PRRX1: variants seen among roughly 807,000 people sequenced by gnomAD.
PRRX1 encodes the protein paired related homeobox 1, also known as paired mesoderm homeobox protein 1.
Under a neutral mutation model 24.0 loss-of-function variants are expected in PRRX1, and 8 were observed. The ratio of observed to expected loss-of-function variants is 0.33; its 90% CI spans 0.20 to 0.60. The LOEUF is 0.60. Ranked by LOEUF, PRRX1 falls within the 20% of genes least tolerant of loss-of-function variation. The pLI, the probability that PRRX1 is intolerant of heterozygous loss-of-function variation, is 0.82. For missense variants in PRRX1, 281 were observed against 322.4 expected (o/e 0.87, Z 0.98); for synonymous variants, 160 against 131.7 (o/e 1.22, Z -1.47).
At chr1:170,730,973 A>C (rs1204032714) in intron 3 of PRRX1, among the ~76,000 whole-genome samples, 1 of 152,228 alleles carries the variant, frequency 6.6e-6, no homozygotes, top group African/African-American at 2.4e-5. Context: ...AACATAGCAG[A>C]AAGATCACTG....
At chr1:170,668,240 G>C (rs1294141048) in intron 1 of PRRX1, 1 of 152,144 alleles carries the variant, frequency 6.6e-6, no homozygotes, top group Non-Finnish European at 1.5e-5. Flanking sequence ...AGAGGAACAG[G>C]TCATAAAAAT....
In PRRX1 at chr1:170,691,272, A is replaced by C. The variant is rs145583794; in HGVS notation, c.241+26813A>C. ...GTGGATTAAAAAATGTTTATTAGCC[A>C]ACCAGAGAGTGAAATATAAAGTAAT... On this transcript the variant is annotated intron_variant, in intron 1 of 3. Coordinates refer to ENST00000239461, the MANE Select transcript of PRRX1 (RefSeq NM_022716.4). Among the ~76,000 whole-genome samples the C allele has an allele frequency of 7.0e-3, 1,063 of 152,280 alleles. 9 individuals carry two copies. The highest frequency in any genetic ancestry group is 0.012 in the Non-Finnish European group (791 of 67,994).
intron 1 of PRRX1, among the ~76,000 whole-genome samples, chr1:170,679,059 C>T (rs539134652): frequency 3.3e-5 from 5 of 152,302 alleles, no homozygotes; most frequent in African/African-American, 4.8e-5. Flanking sequence ...ATATTTTCCT[C>T]GTGACATCCA....
chr1:170,726,460 A>G, intron 3 of PRRX1, 59 bp downstream of exon 3: 2 of 1,572,716 alleles, frequency 1.3e-6, no homozygotes, highest in South Asian at 1.1e-5. Flanking sequence ...GCGGTCGGTC[A>G]TGTTTCAAGC....
At position 170,738,670 on chromosome 1, in the gene PRRX1, G is replaced by A; in HGVS notation, c.*2484G>A. 2 of 228,894 alleles carry A rather than the reference G, an allele frequency of 8.7e-6. No individual in the cohort carries two copies. The highest frequency in any genetic ancestry group is 1.7e-5 in the Non-Finnish European group (2 of 115,386). The allele number at this position is 228,894 out of a possible 1,614,324, so 14.2% of individuals were successfully genotyped here. On this transcript the variant is annotated 3_prime_UTR_variant, in exon 4 of 4. Transcript: ENST00000239461. ...AATGGCTAAGAAGATTTGAATTATA[G>A]GGAGGGAACAGAAATCATACATGAA...
intron 1 of PRRX1, among the ~76,000 whole-genome samples, chr1:170,666,196 A>T: frequency 6.6e-6 from 1 of 152,104 alleles, no homozygotes; most frequent in East Asian, 1.9e-4. Context: ...CGAGGCGGGC[A>T]GATCACGAGG....
At chr1:170,714,485 C>T (rs1231009470) in intron 1 of PRRX1, among the ~76,000 whole-genome samples, 1 of 152,176 alleles carries the variant, frequency 6.6e-6, no homozygotes. Flanking sequence ...TATCTTCTTG[C>T]ATCAGATTTT....
rs371350206 is a variant in PRRX1 at position 170,719,952 on chromosome 1, A to C, written c.417+51A>C. The C allele has an allele frequency of 6.3e-6, 10 of 1,598,058 alleles. No homozygotes were observed. In the African/African-American group the frequency reaches 1.3e-4, roughly 21 times the overall value. On this transcript the variant is annotated intron_variant, in intron 2 of 3. Transcript: ENST00000239461. ...ACCAAGTAGTACCCTCCTCAGAGGC[A>C]CATCTCTGAAAACTGTTTAAAAACA...
At chr1:170,689,856 C>T (rs1252215185) in intron 1 of PRRX1, among the ~76,000 whole-genome samples, 1 of 140,880 alleles carries the variant, frequency 7.1e-6, no homozygotes, top group Non-Finnish European at 1.5e-5. Context: ...CTCTCTCTCT[C>T]TCTCTCTCTC....
At chr1:170,672,956 A>G (rs951092014) in intron 1 of PRRX1, among the ~76,000 whole-genome samples, 10 of 152,198 alleles carry the variant, frequency 6.6e-5, no homozygotes, top group African/African-American at 2.4e-4. Flanking sequence ...GAAAATTGAC[A>G]CCTAGAGGCC....
intron 1 of PRRX1, among the ~76,000 whole-genome samples, chr1:170,672,903 ACT>A (rs1437445861): frequency 6.6e-6 from 1 of 151,836 alleles, no homozygotes; most frequent in African/African-American, 2.4e-5. Flanking sequence ...TTTCTTTGGT[ACT>A]CTCTCTGCTT....
At position 170,726,568 on chromosome 1, in the gene PRRX1, C is replaced by T. The variant is rs189092390; in HGVS notation, c.599+167C>T. The T allele has an allele frequency of 5.3e-4, 436 of 817,152 alleles. 4 individuals carry two copies. In the East Asian group the frequency reaches 0.012, roughly 22 times the overall value. 50.6% of individuals were successfully genotyped at this position (817,152 alleles called of 1,614,324 possible). The stretch of plus-strand genomic sequence containing the variant: ...CATTTTCCCAGGAGATTATAAGCTG[C>T]CCCAGCAGCAGGGTTTGGGGCAGAA... On this transcript the variant is annotated intron_variant, in intron 3 of 3. Transcript: ENST00000239461.
intron 1 of PRRX1, among the ~76,000 whole-genome samples, chr1:170,706,667 A>C (rs926162034): frequency 2.6e-5 from 4 of 152,148 alleles, no homozygotes; most frequent in Admixed American, 2.6e-4. Flanking sequence ...TAATTGTATA[A>C]ATTTGGTCTG....
rs1558063851 is a variant in PRRX1, at chr1:170,730,370, A to G, written c.599+3969A>G. On this transcript the variant is annotated intron_variant, in intron 3 of 3. Coordinates refer to ENST00000239461, the MANE Select transcript of PRRX1 (RefSeq NM_022716.4). ...AAAGGTAACTTGTCAGAGGGGGAAG[A>G]GGGTGGCTGCTTGGGGTAGGGTTTA... 1.9e-6 allele frequency: 3 copies of G among 1,582,324 alleles called. No homozygotes were observed. In the South Asian group the frequency reaches 3.3e-5, roughly 18 times the overall value.
At position 170,696,981 on chromosome 1, in the gene PRRX1, G is replaced by C. The variant is rs903914910; in HGVS notation, c.242-22745G>C. Among the ~76,000 whole-genome samples the C allele has an allele frequency of 2.0e-5, 3 of 152,266 alleles. No homozygotes were observed. In the South Asian group the frequency reaches 6.2e-4, roughly 32 times the overall value. ...CCAAACTCCTGTGATTTTTGGAGGA[G>C]GTCATCTACAAGCGATAGCCCTGTG... On this transcript the variant is annotated intron_variant, in intron 1 of 3. Transcript: ENST00000239461.
chr1:170,708,424 G>A (rs1176982545), intron 1 of PRRX1, among the ~76,000 whole-genome samples: 1 of 152,096 alleles, frequency 6.6e-6, no homozygotes, highest in East Asian at 1.9e-4. Context: ...AGGCTTAGGT[G>A]TGGTTGACAG....
At chr1:170,712,937 T>A (rs1469501075) in intron 1 of PRRX1, among the ~76,000 whole-genome samples, 1 of 152,140 alleles carries the variant, frequency 6.6e-6, no homozygotes, top group Non-Finnish European at 1.5e-5. Flanking sequence ...ATTGAAAAAA[T>A]GAGTAAACTG....
intron 1 of PRRX1, among the ~76,000 whole-genome samples, chr1:170,695,095 C>T (rs888167276): frequency 2.0e-5 from 3 of 152,032 alleles, no homozygotes; most frequent in Non-Finnish European, 2.9e-5. Flanking sequence ...GCTAAATGTC[C>T]GTGAAGGCCT....
At chr1:170,701,649 G>T (rs999001184) in intron 1 of PRRX1, among the ~76,000 whole-genome samples, 1 of 152,132 alleles carries the variant, frequency 6.6e-6, no homozygotes, top group Non-Finnish European at 1.5e-5. Flanking sequence ...TATTGCAACA[G>T]GGAGAATGCT....
Sources: gnomAD v4.1 joint callset for allele counts (sites outside exome capture counted in the v4.1 genomes callset) on GRCh38, gnomAD v4.1.1 for gene constraint, MANE v1.5 for transcripts, NCBI Gene and HGNC (gene_info 2026-07-23, HGNC 2026-07-21) for gene names.